Variants in ZNF85 observed in about 807,000 individuals in gnomAD.
ZNF85 encodes zinc finger protein 85 (HPF4, HTF1).
Under a neutral mutation model 53.9 loss-of-function variants are expected in ZNF85, and 50 were observed. That is an observed-to-expected ratio of 0.93 (90% confidence interval 0.74 to 1.17). The LOEUF is 1.17. Ranked by LOEUF, ZNF85 falls within the 50% of genes most tolerant of loss-of-function variation. ZNF85 has a pLI of 0.00. For missense variants in ZNF85, 747 were observed against 688.5 expected (o/e 1.08, Z -0.95); for synonymous variants, 225 against 226.1 (o/e 1.00, Z 0.04).
intron 1 of ZNF85, among the ~76,000 whole-genome samples, chr19:20,931,806 A>G (rs982340083): frequency 1.3e-5 from 2 of 151,770 alleles, no homozygotes; most frequent in African/African-American, 4.8e-5. Flanking sequence ...ATGCTGTTTC[A>G]TCGTGTTAGC....
intron 3 of ZNF85, among the ~76,000 whole-genome samples, chr19:20,942,408 C>T (rs1466133361): frequency 6.6e-6 from 1 of 152,054 alleles, no homozygotes; most frequent in Non-Finnish European, 1.5e-5. Flanking sequence ...TCCCAAAGTG[C>T]TGGGATTACA....
In ZNF85 at chr19:20,923,375, C is replaced by G. The variant is rs576756356; in HGVS notation, c.-26C>G. 3.7e-6 allele frequency: 6 copies of G among 1,614,070 alleles called. No individual in the cohort carries two copies. In the South Asian group the frequency reaches 6.6e-5, roughly 18 times the overall value. ...GGTATTGGGAGATCCACAGCTAAGA[C>G]GCCGGGACCCCCTGGAAGCCTAGAA... On this transcript the variant is annotated 5_prime_UTR_variant, in exon 1 of 4. Transcript: ENST00000328178.
At chr19:20,925,940 GA>G (rs1568544173) in intron 1 of ZNF85, among the ~76,000 whole-genome samples, 1 of 152,170 alleles carries the variant, frequency 6.6e-6, no homozygotes, top group Admixed American at 6.5e-5. Flanking sequence ...GTGGGTTTTA[GA>G]AAAAAATTAA....
rs189301839 is a variant in ZNF85, at chr19:20,934,994, G to A, written c.176G>A (p.Gly59Glu). 6 of 1,611,542 alleles carry A rather than the reference G, an allele frequency of 3.7e-6. No homozygotes were observed. Among genetic ancestry groups the A allele is most frequent in the Non-Finnish European group, 3.4e-6 (4 of 1,178,782 alleles). The change falls in exon 3 of 4, where the codon GGG becomes GAG. Residue 59 changes from glycine to glutamate, a missense_variant. Physicochemically the swap from Gly to Glu is moderately conservative, Grantham distance 98 (BLOSUM62 -2). Transcript: ENST00000328178. ...GACCTGATCACTTGTCTGGAGCAAG[G>A]GAAAGAGGCCTGGAGTATGAAGAGA... ...KPDLITCLEQ[G>E]KEAWSMKRHE...
intron 3 of ZNF85, chr19:20,942,741 T>A: frequency 1.5e-6 from 1 of 679,942 alleles, no homozygotes; most frequent in Non-Finnish European, 2.7e-6. Context: ...AAACACACAG[T>A]GTATAATTTT....
At chr19:20,941,337 G>A (rs1330436510) in intron 3 of ZNF85, among the ~76,000 whole-genome samples, 2 of 152,164 alleles carry the variant, frequency 1.3e-5, no homozygotes, top group African/African-American at 2.4e-5. Context: ...CATGAACTGA[G>A]CTCACTGCAG....
At chr19:20,933,968 TG>T in intron 1 of ZNF85, 55 bp from the exon 2 acceptor site, 1 of 709,430 alleles carries the variant, frequency 1.4e-6, no homozygotes, top group Non-Finnish European at 2.0e-6. Flanking sequence ...TGTGTGTGTG[TG>T]TGTGTGTGTG....
chr19:20,943,468 C>T (rs1599443988), intron 3 of ZNF85: 1 of 152,344 alleles, frequency 6.6e-6, no homozygotes, highest in East Asian at 1.9e-4. Context: ...GGCCTTCCAC[C>T]ATTGTGGAAG....
At chr19:20,933,987 G>GTGTGTGTGTGTA (rs754160950) in intron 1 of ZNF85, 37 bp from the exon 2 acceptor site, 45 of 1,264,076 alleles carry the variant, frequency 3.6e-5, no homozygotes, top group Non-Finnish European at 4.6e-5. Context: ...GTGTGTGTGT[G>GTGTGTGTGTGTA]TGTGTGTGTG....
intron 1 of ZNF85, among the ~76,000 whole-genome samples, chr19:20,933,367 T>C (rs912819958): frequency 3.3e-5 from 5 of 149,498 alleles, no homozygotes; most frequent in Admixed American, 2.6e-4. Context: ...TGCCCTTTTT[T>C]CTTAGTTTTT....
At position 20,950,324 on chromosome 19, in the gene ZNF85, C is replaced by A; in HGVS notation, c.*22C>A. 1 of 1,469,902 alleles carries A rather than the reference C, an allele frequency of 6.8e-7. No homozygotes were observed. The highest frequency in any genetic ancestry group is 1.5e-5 in the South Asian group (1 of 68,122). 91.1% of individuals were successfully genotyped at this position (1,469,902 alleles called of 1,614,324 possible). A position where few individuals can be genotyped will look rare whatever the true frequency, so the allele number is the denominator to read the frequency against. On this transcript the variant is annotated 3_prime_UTR_variant, in exon 4 of 4. Transcript: ENST00000328178. ...ATGAAAATTATGGCAAAGCTTTAAT[C>A]AATTTACAAGTCTTACTAAACATAA...
chr19:20,944,093 TA>T, intron 3 of ZNF85: 1 of 239,278 alleles, frequency 4.2e-6, no homozygotes, highest in Non-Finnish European at 6.8e-6. Flanking sequence ...AGAGGAAATT[TA>T]AGAGTTTTAT....
intron 1 of ZNF85, among the ~76,000 whole-genome samples, chr19:20,928,890 T>G (rs190423208): frequency 6.6e-6 from 1 of 152,224 alleles, no homozygotes; most frequent in East Asian, 1.9e-4. Context: ...CTTTTAACTT[T>G]TGATTTTGGT....
intron 3 of ZNF85, among the ~76,000 whole-genome samples, chr19:20,947,072 A>T (rs1480124125): frequency 6.6e-6 from 1 of 151,684 alleles, no homozygotes; most frequent in Non-Finnish European, 1.5e-5. Context: ...TTCACTTTTT[A>T]AAATTTTCTT....
At chr19:20,930,180 T>C (rs1972981292) in intron 1 of ZNF85, among the ~76,000 whole-genome samples, 1 of 151,128 alleles carries the variant, frequency 6.6e-6, no homozygotes, top group Non-Finnish European at 1.5e-5. Context: ...CTTCTGCCTT[T>C]CTAGAGTTCA....
intron 3 of ZNF85, among the ~76,000 whole-genome samples, chr19:20,947,390 C>T (rs186789895): frequency 2.3e-4 from 34 of 151,064 alleles, no homozygotes; most frequent in Admixed American, 1.9e-3. Flanking sequence ...CATATCTTTC[C>T]CAGAAAGTTA....
chr19:20,925,986 C>G (rs1972871654), intron 1 of ZNF85, among the ~76,000 whole-genome samples: 1 of 152,122 alleles, frequency 6.6e-6, no homozygotes, highest in Non-Finnish European at 1.5e-5. Flanking sequence ...TAAGAATTCT[C>G]ATTTACTTGT....
rs1351569976 is a variant in ZNF85 at position 20,941,784 on chromosome 19, C to T, written c.229+6737C>T. On this transcript the variant is annotated intron_variant, in intron 3 of 3. Coordinates refer to ENST00000328178, the MANE Select transcript of ZNF85 (RefSeq NM_003429.5). ...TCTATTGAATGTTTTCTTTGATGCGCAGAAACTTTGAAGTGTAATGCAGTT... is the reference window on the plus strand; with the variant it reads ...TCTATTGAATGTTTTCTTTGATGCGTAGAAACTTTGAAGTGTAATGCAGTT... Among the ~76,000 whole-genome samples, 10 of 148,176 alleles carry T rather than the reference C, an allele frequency of 6.7e-5. No homozygotes were observed. The Admixed American group carries it at 6.9e-4, about 10-fold the overall frequency.
chr19:20,928,762 A>T (rs1009114773), intron 1 of ZNF85: 2 of 151,964 alleles, frequency 1.3e-5, no homozygotes, highest in Non-Finnish European at 2.9e-5. Context: ...TCATAATCTC[A>T]TCTGCCTGCA....
Sources: gnomAD v4.1 joint callset for allele counts (sites outside exome capture counted in the v4.1 genomes callset) on GRCh38, gnomAD v4.1.1 for gene constraint, MANE v1.5 for transcripts, NCBI Gene and HGNC (gene_info 2026-07-23, HGNC 2026-07-21) for gene names.